The following BLOC1S6 variants were observed in gnomAD, a reference collection of about 807,000 sequenced individuals.
The protein encoded by BLOC1S6 is biogenesis of lysosomal organelles complex 1 subunit 6.
A neutral mutation model predicts 24.7 loss-of-function variants in BLOC1S6; 24 were observed. The ratio of observed to expected loss-of-function variants is 0.97; its 90% CI spans 0.70 to 1.37. The LOEUF (loss-of-function observed/expected upper bound fraction) is 1.37, where lower values mean the gene tolerates loss of function less well. BLOC1S6 is among the 40% of genes most tolerant of loss of function. BLOC1S6 has a pLI of 0.00. For synonymous variants in BLOC1S6, 76 were observed against 72.6 expected, an observed-to-expected ratio of 1.05 and a Z score of -0.23; for missense variants, 175 against 196.2, an observed-to-expected ratio of 0.89 and a Z score of 0.64.
chr15:45,605,595 C>CTTT, intron 4 of BLOC1S6, 81 bp downstream of exon 4: 5 of 800,850 alleles, frequency 6.2e-6, no homozygotes, highest in East Asian at 4.0e-5. Flanking sequence ...TTTCAGTATT[C>CTTT]TTTTTTTTTT....
chr15:45,600,156 G>T (rs1451469618), intron 2 of BLOC1S6, among the ~76,000 whole-genome samples: 3 of 121,406 alleles, frequency 2.5e-5, no homozygotes, highest in African/African-American at 6.5e-5. Flanking sequence ...ACAGGAAGGG[G>T]AATATCACAC....
rs538603016 is a variant in BLOC1S6 at position 45,587,900 on chromosome 15, C to A, written c.82+375C>A. 28 of 624,158 alleles carry A rather than the reference C, an allele frequency of 4.5e-5. No homozygotes were observed. The South Asian group carries it at 5.0e-4, about 11-fold the overall frequency. 38.7% of individuals were successfully genotyped at this position (624,158 alleles called of 1,614,324 possible). On this transcript the variant is annotated intron_variant, in intron 1 of 4. Transcript: ENST00000220531. Reference sequence around the variant, plus strand: ...AGGTGACGTATCCTATAATATTGACCACTCATGAAATGCTTGGTCAGCTCG... The same window carrying A: ...AGGTGACGTATCCTATAATATTGACAACTCATGAAATGCTTGGTCAGCTCG...
chr15:45,595,176 A>C (rs1363318803), intron 2 of BLOC1S6, among the ~76,000 whole-genome samples: 1 of 152,150 alleles, frequency 6.6e-6, no homozygotes, highest in Admixed American at 6.5e-5. Context: ...ACCCTATCTC[A>C]ACAACAAAAA....
intron 1 of BLOC1S6, among the ~76,000 whole-genome samples, chr15:45,590,563 A>T (rs536034254): frequency 9.9e-5 from 15 of 151,540 alleles, no homozygotes; most frequent in Non-Finnish European, 2.1e-4. Flanking sequence ...ATACAACACT[A>T]CGCCCGGGAA....
rs1159847797 is a variant in BLOC1S6 at position 45,608,363 on chromosome 15, C to T, written c.*1849C>T. On this transcript the variant is annotated 3_prime_UTR_variant, in exon 5 of 5. Transcript: ENST00000220531. ...TGCTAAAACTGCCTAGGGCAGGATT[C>T]ATTAGGGCTTGCAGACAATGTCACC... 1 of 152,200 alleles carries T rather than the reference C, an allele frequency of 6.6e-6. No homozygotes were observed. Among genetic ancestry groups the T allele is most frequent in the African/African-American group, 2.4e-5 (1 of 41,438 alleles). The allele number at this position is 152,200 out of a possible 1,614,324, so 9.4% of individuals were successfully genotyped here. A position where few individuals can be genotyped will look rare whatever the true frequency, so the allele number is the denominator to read the frequency against.
chr15:45,600,037 T>C (rs1894213649), intron 2 of BLOC1S6, among the ~76,000 whole-genome samples: 1 of 150,912 alleles, frequency 6.6e-6, no homozygotes, highest in Non-Finnish European at 1.5e-5. Flanking sequence ...TGTAGGGACA[T>C]GGATGAAATT....
chr15:45,604,185 G>T (rs781013829), intron 3 of BLOC1S6, among the ~76,000 whole-genome samples: 1 of 152,098 alleles, frequency 6.6e-6, no homozygotes, highest in African/African-American at 2.4e-5. Context: ...CCTGGCCAAC[G>T]TAGCAAGACC....
intron 1 of BLOC1S6, among the ~76,000 whole-genome samples, chr15:45,589,332 G>C (rs1893799959): frequency 6.6e-6 from 1 of 152,226 alleles, no homozygotes; most frequent in African/African-American, 2.4e-5. Flanking sequence ...AGAAACTCCA[G>C]AGTAGCTCAT....
At chr15:45,603,239 C>T in intron 3 of BLOC1S6, 52 bp downstream of exon 3, 1 of 1,211,608 alleles carries the variant, frequency 8.3e-7, no homozygotes, top group South Asian at 1.2e-5. Context: ...TTAGCAATAG[C>T]TAAGACTTAG....
At chr15:45,589,913 G>C (rs1000329867) in intron 1 of BLOC1S6, among the ~76,000 whole-genome samples, 21 of 152,210 alleles carry the variant, frequency 1.4e-4, no homozygotes, top group African/African-American at 4.3e-4. Context: ...ATTGGGGTGG[G>C]AGGAGGGTTT....
chr15:45,597,354 C>T (rs1156463325), intron 2 of BLOC1S6, among the ~76,000 whole-genome samples: 2 of 152,072 alleles, frequency 1.3e-5, no homozygotes, highest in Non-Finnish European at 2.9e-5. Context: ...TGGTGTGCAC[C>T]TGTAGTCATA....
intron 1 of BLOC1S6, among the ~76,000 whole-genome samples, chr15:45,589,489 C>T (rs1893806361): frequency 1.3e-5 from 2 of 152,168 alleles, no homozygotes; most frequent in Admixed American, 1.3e-4. Context: ...GCTCAGTGTC[C>T]ACACTTCCTT....
Position 45,606,675 on chromosome 15 carries a change from G to C in BLOC1S6, c.*161G>C, listed in dbSNP as rs1012613576. Reference sequence around the variant, plus strand: ...CATGCCTTTTTTCCAAGTAGCAGACGTCATGTTGCATGGTTTTTGATATTT... The same window carrying C: ...CATGCCTTTTTTCCAAGTAGCAGACCTCATGTTGCATGGTTTTTGATATTT... On this transcript the variant is annotated 3_prime_UTR_variant, in exon 5 of 5. Coordinates refer to ENST00000220531, the MANE Select transcript of BLOC1S6 (RefSeq NM_012388.4). 1 of 922,882 alleles carries C rather than the reference G, an allele frequency of 1.1e-6. No individual in the cohort carries two copies. Among genetic ancestry groups the C allele is most frequent in the African/African-American group, 1.7e-5 (1 of 60,134 alleles). 57.2% of individuals were successfully genotyped at this position (922,882 alleles called of 1,614,324 possible).
chr15:45,605,560 A>AT (rs757460037), intron 4 of BLOC1S6, 46 bp downstream of exon 4: 1 of 1,281,838 alleles, frequency 7.8e-7, no homozygotes, highest in Non-Finnish European at 1.1e-6. Context: ...TAGAGGTTTA[A>AT]TTGTTTTTTG....
intron 3 of BLOC1S6, 133 bp downstream of exon 3, chr15:45,603,320 G>A (rs1315214819): frequency 1.5e-5 from 9 of 610,338 alleles, no homozygotes; most frequent in Non-Finnish European, 2.4e-5. Context: ...AACTTCTGTT[G>A]TGTTGAATTG....
chr15:45,587,599 G>T, intron 1 of BLOC1S6, 74 bp downstream of exon 1: 1 of 1,415,308 alleles, frequency 7.1e-7, no homozygotes, highest in South Asian at 1.2e-5. Flanking sequence ...TAGAACTCCG[G>T]AGAAACCCTG....
chr15:45,596,476 G>A (rs1894082278), intron 2 of BLOC1S6, among the ~76,000 whole-genome samples: 1 of 152,164 alleles, frequency 6.6e-6, no homozygotes, highest in African/African-American at 2.4e-5. Context: ...GGGATTACAG[G>A]TGTGAGCCAC....
rs962890967 is a variant in BLOC1S6 at position 45,606,773 on chromosome 15, A to C, written c.*259A>C. Reference sequence around the variant, plus strand: ...GATCTTGAATTATTTATAAACTGGAAAGTGGTTTGATTATTGTGAGTCAAA... The same window carrying C: ...GATCTTGAATTATTTATAAACTGGACAGTGGTTTGATTATTGTGAGTCAAA... On this transcript the variant is annotated 3_prime_UTR_variant, in exon 5 of 5. Coordinates refer to ENST00000220531, the MANE Select transcript of BLOC1S6 (RefSeq NM_012388.4). The C allele has an allele frequency of 2.2e-6, 1 of 461,058 alleles. No individual in the cohort carries two copies. The highest frequency in any genetic ancestry group is 2.0e-5 in the African/African-American group (1 of 50,758). 28.6% of individuals were successfully genotyped at this position (461,058 alleles called of 1,614,324 possible).
At position 45,596,053 on chromosome 15, in the gene BLOC1S6, G is replaced by A. The variant is rs1301010503; in HGVS notation, c.224+3777G>A. On this transcript the variant is annotated intron_variant, in intron 2 of 4. Transcript: ENST00000220531. ...AGACCTCAGGTGATCCGCCTGCCTC[G>A]GCCTCCCAAAGTGCTGGGATTAGAG... Among the ~76,000 whole-genome samples the A allele has an allele frequency of 7.2e-5, 11 of 152,126 alleles. 1 individual carries two copies. Among genetic ancestry groups the A allele is most frequent in the Non-Finnish European group, 1.3e-4 (9 of 68,030 alleles).
Sources: gnomAD v4.1 joint callset for allele counts (sites outside exome capture counted in the v4.1 genomes callset) on GRCh38, gnomAD v4.1.1 for gene constraint, MANE v1.5 for transcripts, NCBI Gene and HGNC (gene_info 2026-07-23, HGNC 2026-07-21) for gene names.